ETFDH: variants seen among roughly 807,000 people sequenced by gnomAD.
The protein encoded by ETFDH is electron transfer flavoprotein-ubiquinone oxidoreductase, mitochondrial.
In ETFDH, 61 loss-of-function variants were observed where a neutral mutation model predicts 73.2. The ratio of observed to expected loss-of-function variants is 0.83; its 90% confidence interval spans 0.68 to 1.03. The LOEUF is 1.03. Ranked by LOEUF, ETFDH falls within the 50% of genes least tolerant of loss-of-function variation. The probability of loss-of-function intolerance (pLI) is 0.00; values close to 1 mark genes in which losing one functional copy is unlikely to be tolerated. For missense variants in ETFDH, 685 were observed against 745.0 expected (o/e 0.92, Z 0.94); for synonymous variants, 243 against 253.3 (o/e 0.96, Z 0.39).
At position 158,680,084 on chromosome 4, in the gene ETFDH, C is replaced by CA. The variant is rs70962622; in HGVS notation, c.35-366dup. On this transcript the variant is annotated intron_variant, in intron 1 of 12. Coordinates refer to ENST00000511912, the MANE Select transcript of ETFDH (RefSeq NM_004453.4). ...TGGGTGACAGAGTGAGACTCTGTCT[C>CA]AAAAAAAAAAAAAAAAAGAAGAAGA... is the stretch of plus-strand genomic sequence containing the variant. 91 of 63,114 alleles carry CA rather than the reference C, an allele frequency of 1.4e-3. 8 individuals are homozygous for CA. Among genetic ancestry groups the CA allele is most frequent in the Admixed American group, 4.0e-3 (16 of 3,998 alleles). 3.9% of individuals were successfully genotyped at this position (63,114 alleles called of 1,614,324 possible).
intron 5 of ETFDH, among the ~76,000 whole-genome samples, chr4:158,687,026 G>T (rs1311518437): frequency 1.3e-5 from 2 of 152,086 alleles, no homozygotes. Context: ...ATGACTTTAG[G>T]GGGATAGTAG....
At chr4:158,680,705 T>G in intron 2 of ETFDH, 98 bp downstream of exon 2, 2 of 1,059,012 alleles carry the variant, frequency 1.9e-6, no homozygotes, top group Non-Finnish European at 2.9e-6. Flanking sequence ...TTTAAAAACA[T>G]CTAATAATAT....
At chr4:158,706,600 G>A in intron 11 of ETFDH, 29 bp from the exon 12 acceptor site, 1 of 1,555,802 alleles carries the variant, frequency 6.4e-7, no homozygotes, top group Non-Finnish European at 8.9e-7. Flanking sequence ...ATCATATTTT[G>A]TTAAGCATTT....
intron 2 of ETFDH, among the ~76,000 whole-genome samples, chr4:158,681,245 G>A (rs1671750938): frequency 6.6e-6 from 1 of 152,052 alleles, no homozygotes. Flanking sequence ...TAATGTGTGT[G>A]TTTGTGTCTT....
At chr4:158,689,388 A>T (rs948189587) in intron 5 of ETFDH, among the ~76,000 whole-genome samples, 2 of 151,780 alleles carry the variant, frequency 1.3e-5, no homozygotes, top group African/African-American at 4.8e-5. Flanking sequence ...TGTAGAATCC[A>T]TGATTTTCAC....
chr4:158,685,989 G>C (rs895492807), intron 5 of ETFDH, among the ~76,000 whole-genome samples: 3 of 152,120 alleles, frequency 2.0e-5, no homozygotes, highest in Admixed American at 6.5e-5. Flanking sequence ...GCTTTTTTCT[G>C]TTTTCTTTTC....
chr4:158,686,842 AC>A (rs1482278174), intron 5 of ETFDH, among the ~76,000 whole-genome samples: 1 of 152,088 alleles, frequency 6.6e-6, no homozygotes, highest in Non-Finnish European at 1.5e-5. Flanking sequence ...CTTCCCCCTC[AC>A]CCTCTGAAGG....
intron 1 of ETFDH, among the ~76,000 whole-genome samples, chr4:158,673,005 C>T (rs116738579): frequency 0.012 from 1,772 of 152,210 alleles, 27 homozygotes; most frequent in African/African-American, 0.038. Flanking sequence ...AGTTTTTCTG[C>T]GTTGTCTAAA....
chr4:158,702,239 A>C (rs1468006075), intron 9 of ETFDH, among the ~76,000 whole-genome samples: 1 of 151,930 alleles, frequency 6.6e-6, no homozygotes, highest in Non-Finnish European at 1.5e-5. Context: ...ATTTCCATAC[A>C]TGTGTATAAT....
chr4:158,686,977 G>A (rs981176357), intron 5 of ETFDH, among the ~76,000 whole-genome samples: 1 of 152,212 alleles, frequency 6.6e-6, no homozygotes, highest in African/African-American at 2.4e-5. Flanking sequence ...ACAGTTATAT[G>A]CCTTTCTTGG....
intron 9 of ETFDH, among the ~76,000 whole-genome samples, chr4:158,700,468 T>C (rs1774428610): frequency 6.6e-6 from 1 of 152,112 alleles, no homozygotes; most frequent in Admixed American, 6.6e-5. Flanking sequence ...CAGATTTTTA[T>C]TGAAAACCAT....
chr4:158,704,914 T>TA (rs1774566788), intron 10 of ETFDH, among the ~76,000 whole-genome samples: 2 of 152,060 alleles, frequency 1.3e-5, no homozygotes, highest in African/African-American at 2.4e-5. Flanking sequence ...AGTGGCTGGG[T>TA]AGAAGTTTTT....
At chr4:158,694,294 A>G (rs1004336728) in intron 6 of ETFDH, among the ~76,000 whole-genome samples, 4 of 152,154 alleles carry the variant, frequency 2.6e-5, no homozygotes, top group African/African-American at 4.8e-5. Context: ...GGAAATGCAA[A>G]TTAAAATAGT....
chr4:158,681,424 TATAAA>T (rs1434421274), intron 2 of ETFDH: 10 of 152,228 alleles, frequency 6.6e-5, no homozygotes, highest in African/African-American at 2.4e-4. Flanking sequence ...TTTAAAAGCT[TATAAA>T]ATAAAAACAT....
chr4:158,698,806 C>T (rs1200263481), intron 8 of ETFDH, among the ~76,000 whole-genome samples, 181 bp from the exon 9 acceptor site: 1 of 152,038 alleles, frequency 6.6e-6, no homozygotes, highest in Non-Finnish European at 1.5e-5. Flanking sequence ...TTTACCTTTT[C>T]TTTTCCAAAC....
intron 2 of ETFDH, among the ~76,000 whole-genome samples, chr4:158,680,988 G>A (rs546374085): frequency 6.6e-6 from 1 of 152,234 alleles, no homozygotes; most frequent in South Asian, 2.1e-4. Flanking sequence ...ATAAACGACT[G>A]TTACTGGTTT....
chr4:158,678,892 C>T (rs1226064567), intron 1 of ETFDH, among the ~76,000 whole-genome samples: 4 of 152,044 alleles, frequency 2.6e-5, no homozygotes, highest in Non-Finnish European at 5.9e-5. Context: ...AACTCCTGGC[C>T]TCATGCAGTC....
intron 7 of ETFDH, among the ~76,000 whole-genome samples, chr4:158,697,103 T>A (rs889150601): frequency 6.7e-6 from 1 of 150,212 alleles, no homozygotes; most frequent in Non-Finnish European, 1.5e-5. Flanking sequence ...TATTTTTTTA[T>A]TTTTTTTTTG....
chr4:158,672,485 G>A lies in ETFDH; in HGVS notation c.29G>A (p.Cys10Tyr). 2 of 1,614,164 alleles carry A rather than the reference G, an allele frequency of 1.2e-6. No individual in the cohort carries two copies. Among genetic ancestry groups the A allele is most frequent in the Non-Finnish European group, 8.5e-7 (1 of 1,180,000 alleles). ...CTGGTGCCGCTAGCCAAGCTGTCCT[G>A]CCTGGGTGAGAGGAAACGGGCGGTG... MLVPLAKLSCLAYQCFHALK... is the reference protein window; with the variant it reads MLVPLAKLSYLAYQCFHALK... The change falls in exon 1 of 13, where the codon TGC becomes TAC. Residue 10 changes from cysteine to tyrosine, a missense_variant. Cys to Tyr is a radical substitution (Grantham distance 194, BLOSUM62 -2). Around this residue, in one of 3 missense-constraint regions of ETFDH, gnomAD observed 405 missense variants for 399.3 expected, o/e 1.01. Coordinates refer to ENST00000511912, the MANE Select transcript of ETFDH (RefSeq NM_004453.4).
Sources: allele counts gnomAD v4.1 joint callset (sites outside exome capture counted in the v4.1 genomes callset), GRCh38; gene constraint gnomAD v4.1.1; regional missense constraint gnomAD v4.1.1; transcripts MANE v1.5; gene names NCBI Gene and HGNC (gene_info 2026-07-23, HGNC 2026-07-21).